The following MACROD2 variants were observed in gnomAD, a reference collection of about 807,000 sequenced individuals.
The protein encoded by MACROD2 is ADP-ribose glycohydrolase MACROD2.
In MACROD2, 36 loss-of-function variants were observed where a neutral mutation model predicts 70.4. The observed-to-expected ratio is 0.51, with a 90% confidence interval of 0.39 to 0.68. The LOEUF (loss-of-function observed/expected upper bound fraction) is 0.68. Among genes scored for constraint, MACROD2 ranks in the 30% least tolerant of loss-of-function variants. The pLI, the probability that MACROD2 is intolerant of heterozygous loss-of-function variation, is 0.00. For missense variants in MACROD2, 496 were observed against 538.4 expected, an observed-to-expected ratio of 0.92 and a Z score of 0.78; for synonymous variants, 172 against 178.8, an observed-to-expected ratio of 0.96 and a Z score of 0.30.
chr20:15,516,490 G>A (rs377385344), intron 8 of MACROD2, among the ~76,000 whole-genome samples: 1 of 152,262 alleles, frequency 6.6e-6, no homozygotes, highest in South Asian at 2.1e-4. Context: ...ACACAAAGAG[G>A]CAATGATCAC....
chr20:14,493,225 T>G (rs531614203), intron 3 of MACROD2, among the ~76,000 whole-genome samples: 44 of 152,104 alleles, frequency 2.9e-4, no homozygotes, highest in South Asian at 1.4e-3. Flanking sequence ...AATTTGTGCT[T>G]AATTTTATTA....
chr20:14,721,221 C>T (rs2071464857), intron 5 of MACROD2, among the ~76,000 whole-genome samples: 1 of 148,570 alleles, frequency 6.7e-6, no homozygotes, highest in African/African-American at 2.5e-5. Context: ...TGCCACTTCA[C>T]TCCAGCCTGG....
At chr20:14,134,483 G>A (rs1189681044) in intron 3 of MACROD2, among the ~76,000 whole-genome samples, 1 of 152,104 alleles carries the variant, frequency 6.6e-6, no homozygotes, top group Non-Finnish European at 1.5e-5. Context: ...ACTAGAGTCT[G>A]GTCAACATTA....
intron 2 of MACROD2, among the ~76,000 whole-genome samples, chr20:14,066,505 T>C (rs1445950145): frequency 6.6e-6 from 1 of 152,224 alleles, no homozygotes; most frequent in Non-Finnish European, 1.5e-5. Flanking sequence ...CATTTTATTT[T>C]TGTGTCAGAG....
intron 4 of MACROD2, among the ~76,000 whole-genome samples, chr20:14,532,405 A>G (rs1276033224): frequency 6.8e-6 from 1 of 147,876 alleles, no homozygotes; most frequent in African/African-American, 2.5e-5. Flanking sequence ...TTTTTTATTT[A>G]GTAGAGACGG....
At chr20:14,678,680 G>T (rs189303069) in intron 4 of MACROD2, among the ~76,000 whole-genome samples, 26 of 152,226 alleles carry the variant, frequency 1.7e-4, no homozygotes, top group African/African-American at 5.1e-4. Flanking sequence ...TGTGAGAAGT[G>T]CTACTGTGTT....
At chr20:14,146,097 C>T (rs1601279180) in intron 3 of MACROD2, among the ~76,000 whole-genome samples, 2 of 152,022 alleles carry the variant, frequency 1.3e-5, no homozygotes, top group East Asian at 1.9e-4. Flanking sequence ...CTGAGGCGGG[C>T]GGATCACGAG....
intron 15 of MACROD2, among the ~76,000 whole-genome samples, chr20:16,006,187 G>C (rs1311357417): frequency 6.6e-6 from 1 of 152,058 alleles, no homozygotes; most frequent in Non-Finnish European, 1.5e-5. Flanking sequence ...GGCCTCCAGG[G>C]CTTTGGGACT....
chr20:15,841,833 G>T (rs192028782), intron 8 of MACROD2, among the ~76,000 whole-genome samples: 1 of 152,204 alleles, frequency 6.6e-6, no homozygotes, highest in African/African-American at 2.4e-5. Flanking sequence ...TTTGTGATGG[G>T]TTCAGCTAGA....
intron 15 of MACROD2, among the ~76,000 whole-genome samples, chr20:15,992,725 G>A (rs975838575): frequency 1.3e-5 from 2 of 152,158 alleles, no homozygotes; most frequent in Admixed American, 6.5e-5. Flanking sequence ...TCATGCCTGT[G>A]TCCTTCTGGT....
intron 4 of MACROD2, among the ~76,000 whole-genome samples, chr20:14,526,704 G>C (rs2085237461): frequency 6.6e-6 from 1 of 152,192 alleles, no homozygotes; most frequent in Non-Finnish European, 1.5e-5. Context: ...GCATGTGGTG[G>C]GGGTGTGGCT....
At chr20:15,898,389 A>G (rs765844511) in intron 10 of MACROD2, among the ~76,000 whole-genome samples, 1 of 151,950 alleles carries the variant, frequency 6.6e-6, no homozygotes, top group Non-Finnish European at 1.5e-5. Context: ...CGTCTCTACT[A>G]AAAATACAAA....
At chr20:15,649,592 C>T (rs1337607471) in intron 8 of MACROD2, among the ~76,000 whole-genome samples, 1 of 152,158 alleles carries the variant, frequency 6.6e-6, no homozygotes, top group Non-Finnish European at 1.5e-5. Context: ...CTTGGGGCCA[C>T]TTCTGAGTGA....
chr20:14,481,028 C>A (rs757499521), intron 3 of MACROD2, among the ~76,000 whole-genome samples: 8 of 152,070 alleles, frequency 5.3e-5, no homozygotes, highest in Non-Finnish European at 1.2e-4. Flanking sequence ...TGAAGATTCT[C>A]TATTTGATTG....
At chr20:15,436,435 C>T (rs1336868340) in intron 7 of MACROD2, among the ~76,000 whole-genome samples, 1 of 152,084 alleles carries the variant, frequency 6.6e-6, no homozygotes, top group Non-Finnish European at 1.5e-5. Flanking sequence ...AGGGAAGACC[C>T]ACCCACATGA....
chr20:15,183,609 C>A (rs1198665452), intron 5 of MACROD2, among the ~76,000 whole-genome samples: 2 of 152,138 alleles, frequency 1.3e-5, no homozygotes, highest in East Asian at 3.8e-4. Context: ...TAAAGCTATT[C>A]TTTCTGAAAT....
At chr20:15,529,368 AT>A (rs1371217150) in intron 8 of MACROD2, among the ~76,000 whole-genome samples, 3 of 151,792 alleles carry the variant, frequency 2.0e-5, no homozygotes, top group African/African-American at 7.3e-5. Flanking sequence ...AACTTTAATT[AT>A]TTTGCTCCTT....
intron 5 of MACROD2, among the ~76,000 whole-genome samples, chr20:15,104,852 GC>G (rs1391987545): frequency 6.6e-6 from 1 of 152,052 alleles, no homozygotes; most frequent in Non-Finnish European, 1.5e-5. Context: ...TAGTAAATAG[GC>G]CCATTTAAAA....
intron 3 of MACROD2, among the ~76,000 whole-genome samples, chr20:14,101,670 A>G (rs1002576744): frequency 2.6e-5 from 4 of 151,978 alleles, no homozygotes; most frequent in African/African-American, 9.7e-5. Context: ...AACCCACCTC[A>G]TCTATTTTTG....
Sources: gnomAD v4.1 joint callset for allele counts (sites outside exome capture counted in the v4.1 genomes callset) on GRCh38, gnomAD v4.1.1 for gene constraint, MANE v1.5 for transcripts, NCBI Gene and HGNC (gene_info 2026-07-23, HGNC 2026-07-21) for gene names.